Variants in ACACA observed in about 807,000 individuals in gnomAD.
ACACA encodes the protein acetyl-CoA carboxylase alpha.
A neutral mutation model predicts 296.1 loss-of-function variants in ACACA; 103 were observed. That is an observed-to-expected ratio of 0.35 (90% CI 0.30 to 0.41). The LOEUF is 0.41. ACACA is among the 10% of genes least tolerant of loss of function. ACACA has a pLI of 1.00. For synonymous variants in ACACA, 953 were observed against 1,038.6 expected (o/e 0.92, Z 1.58); for missense variants, 1,554 against 2,989.7 (o/e 0.52, Z 11.20).
intron 30 of ACACA, 55 bp downstream of exon 30, chr17:37,210,412 A>T: frequency 6.5e-7 from 1 of 1,536,932 alleles, no homozygotes. Flanking sequence ...TGGTTTCACT[A>T]TTCTAAGTTA....
chr17:37,316,490 CAAT>C (rs10533480), intron 3 of ACACA, among the ~76,000 whole-genome samples: 18,302 of 152,046 alleles, frequency 0.12, 1,692 homozygotes, highest in East Asian at 0.45. Context: ...ACCTGTGACA[CAAT>C]GTTTGGCTAG....
At chr17:37,303,108 T>C (rs1293797225) in intron 3 of ACACA, among the ~76,000 whole-genome samples, 1 of 152,120 alleles carries the variant, frequency 6.6e-6, no homozygotes, top group Non-Finnish European at 1.5e-5. Flanking sequence ...TTAGAACATT[T>C]TTATTACCTC....
At chr17:37,205,434 G>A (rs1598169773) in intron 33 of ACACA, among the ~76,000 whole-genome samples, 1 of 152,138 alleles carries the variant, frequency 6.6e-6, no homozygotes, top group Non-Finnish European at 1.5e-5. Context: ...CCTAAGGGGA[G>A]TTTAGGCTTA....
At chr17:37,243,884 T>C (rs1013773171) in intron 21 of ACACA, among the ~76,000 whole-genome samples, 1 of 152,228 alleles carries the variant, frequency 6.6e-6, no homozygotes, top group African/African-American at 2.4e-5. Context: ...TAAAAATTTA[T>C]ATAATTTTCA....
chr17:37,390,334 A>ATATATATATATATATATATATATCT (rs2050822111), intron 1 of ACACA, among the ~76,000 whole-genome samples: 1 of 93,442 alleles, frequency 1.1e-5, no homozygotes, highest in African/African-American at 4.5e-5. Context: ...ATATATATAT[A>ATATATATATATATATATATATATCT]AAAGGCCAGC....
intron 2 of ACACA, among the ~76,000 whole-genome samples, chr17:37,338,944 G>GA (rs1168913728): frequency 7.1e-4 from 54 of 75,630 alleles, no homozygotes; most frequent in South Asian, 1.2e-3. Context: ...CGTCTCAAAA[G>GA]AAAAAAAAAA....
intron 33 of ACACA, among the ~76,000 whole-genome samples, chr17:37,204,222 A>G (rs2078398226): frequency 6.6e-6 from 1 of 152,228 alleles, no homozygotes; most frequent in African/African-American, 2.4e-5. Flanking sequence ...GCTATCTATC[A>G]CATATCATAA....
chr17:37,388,580 G>A, intron 1 of ACACA: 1 of 1,446,034 alleles, frequency 6.9e-7, no homozygotes, highest in Non-Finnish European at 9.5e-7. Flanking sequence ...TAATAGTCTT[G>A]TGAGCCAGAA....
At chr17:37,156,092 C>T (rs1279107365) in intron 42 of ACACA, among the ~76,000 whole-genome samples, 1 of 105,442 alleles carries the variant, frequency 9.5e-6, no homozygotes, top group Non-Finnish European at 1.7e-5. Context: ...GAGATGGAGT[C>T]TCACTCTGTT....
intron 45 of ACACA, among the ~76,000 whole-genome samples, chr17:37,133,839 C>A (rs2075215023): frequency 6.6e-6 from 1 of 152,322 alleles, no homozygotes; most frequent in East Asian, 1.9e-4. Flanking sequence ...CACTTTCTTG[C>A]CCTCCAGATC....
intron 45 of ACACA, among the ~76,000 whole-genome samples, chr17:37,144,946 G>A (rs1228923977): frequency 6.6e-6 from 1 of 152,068 alleles, no homozygotes; most frequent in South Asian, 2.1e-4. Flanking sequence ...AATGTCCACA[G>A]GACAACCATA....
chr17:37,358,214 T>A (rs2049231757), intron 1 of ACACA, among the ~76,000 whole-genome samples: 3 of 152,224 alleles, frequency 2.0e-5, no homozygotes, highest in South Asian at 2.1e-4. Flanking sequence ...AGAGGTGATT[T>A]CAAGTGTCCA....
At chr17:37,227,853 C>CT (rs2079620007) in intron 25 of ACACA, among the ~76,000 whole-genome samples, 1 of 125,044 alleles carries the variant, frequency 8.0e-6, no homozygotes. Context: ...GAGCGAGACT[C>CT]TGTCTCAAAA....
At chr17:37,259,792 A>T (rs970880956) in intron 11 of ACACA, among the ~76,000 whole-genome samples, 2 of 152,160 alleles carry the variant, frequency 1.3e-5, no homozygotes, top group Non-Finnish European at 2.9e-5. Flanking sequence ...CAGACAAAAA[A>T]ACATGGGGAC....
rs745673774 is a variant in ACACA at position 37,245,266 on chromosome 17, G to A, written c.2461-52C>T. 4.4e-6 allele frequency: 7 copies of A among 1,597,466 alleles called. No homozygotes were observed. In the South Asian group the frequency reaches 7.7e-5, roughly 18 times the overall value. ...GATTTATCTCTCTTTACACAGATGA[G>A]TGCTTAAAAGAACTAAAATTTTTCC... On this transcript the variant is annotated intron_variant, in intron 19 of 55. Coordinates refer to ENST00000616317, the MANE Select transcript of ACACA (RefSeq NM_198834.3).
chr17:37,358,645 G>A (rs2049256967), intron 1 of ACACA, among the ~76,000 whole-genome samples: 1 of 152,246 alleles, frequency 6.6e-6, no homozygotes, highest in South Asian at 2.1e-4. Context: ...AGAGGGGTCT[G>A]GAAGGAATCA....
rs569470539 is a variant in ACACA, at chr17:37,165,426, C to T, written c.5080-3376G>A. On this transcript the variant is annotated intron_variant, in intron 41 of 55. Coordinates refer to ENST00000616317, the MANE Select transcript of ACACA (RefSeq NM_198834.3). ...AAAATTATTTAATTTTACTGAGCTTCAATGTCCCCACATGCGAAATTAAGA... is the reference window on the plus strand; with the variant it reads ...AAAATTATTTAATTTTACTGAGCTTTAATGTCCCCACATGCGAAATTAAGA... 4.5e-4 allele frequency among the ~76,000 whole-genome samples: 68 copies of T among 152,236 alleles called. No homozygotes were observed. The South Asian group carries it at 4.6e-3, about 10-fold the overall frequency.
chr17:37,265,436 T>A (rs570430418), intron 10 of ACACA, among the ~76,000 whole-genome samples: 1 of 152,302 alleles, frequency 6.6e-6, no homozygotes, highest in South Asian at 2.1e-4. Context: ...CATTTTCTCA[T>A]GAGTCATGTC....
chr17:37,397,293 T>G (rs948327319), intron 1 of ACACA, among the ~76,000 whole-genome samples: 4 of 152,104 alleles, frequency 2.6e-5, no homozygotes, highest in Non-Finnish European at 4.4e-5. Flanking sequence ...TTACTTATCT[T>G]CTTATATGTA....
Sources: allele counts gnomAD v4.1 joint callset (sites outside exome capture counted in the v4.1 genomes callset), GRCh38; gene constraint gnomAD v4.1.1; transcripts MANE v1.5; gene names NCBI Gene and HGNC (gene_info 2026-07-23, HGNC 2026-07-21).